KLC1: variants seen among roughly 807,000 people sequenced by gnomAD.
KLC1 encodes kinesin light chain 1.
A neutral mutation model predicts 84.2 loss-of-function variants in KLC1; 30 were observed. That is an observed-to-expected ratio of 0.36 (90% confidence interval 0.27 to 0.48). KLC1 has a LOEUF of 0.48. Among genes scored for constraint, KLC1 ranks in the 20% least tolerant of loss-of-function variants. KLC1 has a pLI of 0.99. For synonymous variants in KLC1, 289 were observed against 293.3 expected (o/e 0.99, Z 0.15); for missense variants, 499 against 805.4 (o/e 0.62, Z 4.60).
chr14:103,662,295 C>G (rs2079361148), intron 4 of KLC1, 101 bp downstream of exon 4: 1 of 957,506 alleles, frequency 1.0e-6, no homozygotes, highest in Admixed American at 1.8e-5. Flanking sequence ...TGCATGCGGC[C>G]TGCCTGGAGG....
At chr14:103,674,762 T>C (rs1197983061) in intron 9 of KLC1, among the ~76,000 whole-genome samples, 1 of 152,226 alleles carries the variant, frequency 6.6e-6, no homozygotes, top group Non-Finnish European at 1.5e-5. Flanking sequence ...TGCTACTTTT[T>C]CTTAGACTAT....
At chr14:103,645,097 T>G (rs61995778) in intron 1 of KLC1, among the ~76,000 whole-genome samples, 1 of 151,976 alleles carries the variant, frequency 6.6e-6, no homozygotes, top group African/African-American at 2.4e-5. Context: ...CCTCAGCCTC[T>G]CAAGTAACTG....
chr14:103,636,919 A>G (rs2077089236), intron 1 of KLC1, among the ~76,000 whole-genome samples: 1 of 149,954 alleles, frequency 6.7e-6, no homozygotes, highest in Non-Finnish European at 1.5e-5. Flanking sequence ...TTTATTAGAT[A>G]TGGGTTTCAC....
intron 7 of KLC1, 122 bp from the exon 8 acceptor site, chr14:103,672,892 A>T: frequency 3.6e-6 from 3 of 840,130 alleles, no homozygotes; most frequent in Non-Finnish European, 5.6e-6. Flanking sequence ...TTAAGGATTT[A>T]AATCTGAAAG....
chr14:103,679,609 TTCC>T (rs778833702), intron 13 of KLC1, 64 bp downstream of exon 13: 8 of 1,267,240 alleles, frequency 6.3e-6, no homozygotes, highest in Non-Finnish European at 4.6e-6. Context: ...TTGCCAGGCC[TTCC>T]TCCTGTCTCA....
chr14:103,694,106 A>C lies in KLC1; in HGVS notation c.1848+1681A>C. On this transcript the variant is annotated intron_variant, in intron 15 of 16. Transcript: ENST00000334553. The surrounding 1 kb of genome is among the most constrained non-coding windows in gnomAD (Gnocchi z 4.5). The stretch of plus-strand genomic sequence containing the variant: ...GCTTAGCGGACACTGGTCAGTGGGA[A>C]GTGAATTCCTTCCCAGCTGGAGCAT... 1.0e-6 allele frequency: 1 copy of C among 984,582 alleles called. No individual in the cohort carries two copies. The allele number at this position is 984,582 out of a possible 1,614,324, so 61.0% of individuals were successfully genotyped here.
chr14:103,693,441 G>A lies in KLC1; in HGVS notation c.1848+1016G>A. 1 of 1,499,602 alleles carries A rather than the reference G, an allele frequency of 6.7e-7. No homozygotes were observed. The highest frequency in any genetic ancestry group is 2.1e-5 in the Admixed American group (1 of 48,656). 92.9% of individuals were successfully genotyped at this position (1,499,602 alleles called of 1,614,324 possible). ...ACATTGACCCCTGGGCCTCTCGAGT[G>A]CCAACCTAGATTTAGCTGTGCAGCT... is the stretch of plus-strand genomic sequence containing the variant. On this transcript the variant is annotated intron_variant, in intron 15 of 16. Transcript: ENST00000334553. The surrounding 1 kb of genome is among the most constrained non-coding windows in gnomAD (Gnocchi z 5.1).
intron 1 of KLC1, among the ~76,000 whole-genome samples, chr14:103,635,489 A>G (rs772384460): frequency 5.3e-5 from 8 of 152,010 alleles, no homozygotes; most frequent in African/African-American, 9.7e-5. Context: ...CTTGGTGGCT[A>G]ATGTCTGTAA....
Position 103,673,840 on chromosome 14 carries a change from G to T in KLC1, c.1261+409G>T, listed in dbSNP as rs907355057. On this transcript the variant is annotated intron_variant, in intron 9 of 16. Coordinates refer to ENST00000334553, the MANE Select transcript of KLC1 (RefSeq NM_001394837.1). ...CGGGAGGCTAAGGCAGGAGAATGGC[G>T]TGAACCCGGGAGGCGGATCTTGCAG... is the stretch of plus-strand genomic sequence containing the variant. Among the ~76,000 whole-genome samples the T allele has an allele frequency of 1.6e-4, 24 of 152,050 alleles. 1 individual carries two copies. The highest frequency in any genetic ancestry group is 5.2e-4 in the Admixed American group (8 of 15,276).
intron 15 of KLC1, chr14:103,696,542 T>C: frequency 1.0e-6 from 1 of 985,500 alleles, no homozygotes; most frequent in Middle Eastern, 5.2e-4. Context: ...GTCATTAGCT[T>C]CTGTTTGCAC....
chr14:103,692,573 C>G (rs2151856953), intron 15 of KLC1, 148 bp downstream of exon 15: 1 of 602,792 alleles, frequency 1.7e-6, no homozygotes, highest in Middle Eastern at 3.7e-4. Flanking sequence ...ACAGTTGTGA[C>G]AGTAGTATTT....
At chr14:103,658,436 T>G (rs919965872) in intron 3 of KLC1, among the ~76,000 whole-genome samples, 1 of 142,172 alleles carries the variant, frequency 7.0e-6, no homozygotes, top group Middle Eastern at 3.6e-3. Flanking sequence ...AAGTTTTTTT[T>G]TTTTTTTTTT....
chr14:103,697,565 A>G (rs1567045521), intron 15 of KLC1: 1 of 152,146 alleles, frequency 6.6e-6, no homozygotes, highest in Non-Finnish European at 1.5e-5. Context: ...TTCAATGTGT[A>G]TAAATTACTC....
intron 1 of KLC1, among the ~76,000 whole-genome samples, chr14:103,630,248 A>G (rs2076574488): frequency 1.3e-5 from 2 of 152,224 alleles, no homozygotes; most frequent in African/African-American, 4.8e-5. Context: ...AAATTAAAAT[A>G]AAGCGTAAAA....
intron 14 of KLC1, among the ~76,000 whole-genome samples, chr14:103,691,174 T>TTC (rs1555425508): frequency 2.0e-5 from 3 of 150,638 alleles, no homozygotes; most frequent in Admixed American, 6.6e-5. Flanking sequence ...TTTTTTTTTT[T>TTC]CTGAGACAGA....
At chr14:103,652,780 C>T (rs1019813525) in intron 1 of KLC1, among the ~76,000 whole-genome samples, 5 of 152,228 alleles carry the variant, frequency 3.3e-5, no homozygotes, top group Non-Finnish European at 7.3e-5. Context: ...CATGAGCCAC[C>T]GTGCCCGGTC....
At chr14:103,649,743 T>A (rs551761472) in intron 1 of KLC1, among the ~76,000 whole-genome samples, 194 of 151,624 alleles carry the variant, frequency 1.3e-3, no homozygotes, top group African/African-American at 4.4e-3. Flanking sequence ...TCGCCCAGGC[T>A]GGAGTGCAGT....
chr14:103,677,916 G>T (rs1342976871), intron 12 of KLC1, among the ~76,000 whole-genome samples: 1 of 150,394 alleles, frequency 6.6e-6, no homozygotes, highest in Non-Finnish European at 1.5e-5. Flanking sequence ...GCAGTGAGCC[G>T]ATATCATGCC....
At chr14:103,697,197 C>T in intron 15 of KLC1, 1 of 878,542 alleles carries the variant, frequency 1.1e-6, no homozygotes. Context: ...AAAAATCCAA[C>T]CCCAAAATAA....
Sources: allele counts gnomAD v4.1 joint callset (sites outside exome capture counted in the v4.1 genomes callset), GRCh38; gene constraint gnomAD v4.1.1; non-coding constraint Gnocchi (gnomAD v3.1); transcripts MANE v1.5; gene names NCBI Gene and HGNC (gene_info 2026-07-23, HGNC 2026-07-21).